ANKRD26: variants seen among roughly 807,000 people sequenced by gnomAD.
The protein encoded by ANKRD26 is ankyrin repeat domain 26.
Under a neutral mutation model 208.7 loss-of-function variants are expected in ANKRD26, and 141 were observed. The observed-to-expected ratio is 0.68, with a 90% CI of 0.59 to 0.78. ANKRD26 has a LOEUF of 0.78. Among genes scored for constraint, ANKRD26 ranks in the 30% least tolerant of loss-of-function variants. The pLI is 0.00. For missense variants in ANKRD26, 1,889 were observed against 1,938.7 expected, an observed-to-expected ratio of 0.97 and a Z score of 0.48; for synonymous variants, 636 against 660.4, an observed-to-expected ratio of 0.96 and a Z score of 0.57.
At chr10:26,982,499 G>A (rs1049865329) in intron 4 of ANKRD26, among the ~76,000 whole-genome samples, 2 of 151,726 alleles carry the variant, frequency 1.3e-5, no homozygotes, top group African/African-American at 4.8e-5. Context: ...TTTCTTTTAT[G>A]AGCTGGTCCC....
intron 9 of ANKRD26, among the ~76,000 whole-genome samples, chr10:27,069,473 T>G (rs746886075): frequency 8.6e-5 from 13 of 151,874 alleles, no homozygotes; most frequent in Non-Finnish European, 1.8e-4. Context: ...GAACTTAGGT[T>G]TTTGGTGGTT....
chr10:26,989,720 G>C (rs150866443), downstream of ANKRD26, among the ~76,000 whole-genome samples: 1 of 152,218 alleles, frequency 6.6e-6, no homozygotes, highest in African/African-American at 2.4e-5. Context: ...AGGCTGCCAC[G>C]GGGGCTGTCA....
chr10:26,963,675 C>G, the ANKRD26 span, among the ~76,000 whole-genome samples: 1 of 152,116 alleles, frequency 6.6e-6, no homozygotes, highest in Admixed American at 6.6e-5. Flanking sequence ...CCTGATATAA[C>G]AGGGTATAGC....
the ANKRD26 span, among the ~76,000 whole-genome samples, chr10:26,953,943 A>T: frequency 1.3e-5 from 2 of 152,206 alleles, no homozygotes; most frequent in East Asian, 3.8e-4. Context: ...CTGCCCTACC[A>T]ATGTGAGAGC....
the ANKRD26 span, among the ~76,000 whole-genome samples, chr10:26,955,404 T>G: frequency 2.0e-5 from 3 of 151,572 alleles, no homozygotes; most frequent in Non-Finnish European, 2.9e-5. Context: ...CTCTAGCCTG[T>G]GCAACAAGAG....
intron 16 of ANKRD26, among the ~76,000 whole-genome samples, 180 bp from the exon 17 acceptor site, chr10:27,049,159 T>G (rs1346429861): frequency 1.3e-5 from 2 of 152,176 alleles, no homozygotes; most frequent in East Asian, 3.8e-4. Flanking sequence ...TATCAGCTAT[T>G]ATTATAATTT....
chr10:27,024,257 A>G (rs1290550557), intron 28 of ANKRD26, among the ~76,000 whole-genome samples, 190 bp downstream of exon 28: 6 of 152,234 alleles, frequency 3.9e-5, no homozygotes, highest in African/African-American at 1.2e-4. Context: ...TCATTAAAGA[A>G]TAAGTGTAAT....
chr10:27,093,931 C>T (rs2056383667), intron 1 of ANKRD26, 132 bp from the exon 2 acceptor site: 1 of 767,446 alleles, frequency 1.3e-6, no homozygotes, highest in Non-Finnish European at 2.2e-6. Context: ...CTCATCTTGG[C>T]TGTGTCCCCA....
chr10:27,074,003 GA>G (rs1258504560), intron 9 of ANKRD26, among the ~76,000 whole-genome samples: 1 of 151,388 alleles, frequency 6.6e-6, no homozygotes, highest in East Asian at 1.9e-4. Context: ...CTCAAGGGGG[GA>G]AAAATAAATA....
intron 32 of ANKRD26, among the ~76,000 whole-genome samples, chr10:27,008,291 G>A (rs920200099): frequency 6.6e-6 from 1 of 151,810 alleles, no homozygotes. Context: ...CCAATATTTT[G>A]TAAGACTGTT....
At chr10:27,011,350 C>T (rs1430515351) in intron 32 of ANKRD26, among the ~76,000 whole-genome samples, 1 of 152,144 alleles carries the variant, frequency 6.6e-6, no homozygotes, top group African/African-American at 2.4e-5. Flanking sequence ...ACATTACAAC[C>T]TTAAACTCTT....
At chr10:26,973,998 T>C (rs1285800161) in exon 6 of ANKRD26, among the ~76,000 whole-genome samples, 2 of 152,022 alleles carry the variant, frequency 1.3e-5, no homozygotes, top group African/African-American at 4.8e-5. Context: ...GCTTCTAGGA[T>C]TCATTGATGC....
chr10:27,072,359 T>C (rs1271334448), intron 9 of ANKRD26, among the ~76,000 whole-genome samples: 1 of 152,186 alleles, frequency 6.6e-6, no homozygotes, highest in Non-Finnish European at 1.5e-5. Flanking sequence ...GCTGAGCTTC[T>C]CCCTGGAACA....
intron 15 of ANKRD26, among the ~76,000 whole-genome samples, chr10:27,059,877 A>G (rs2054986257): frequency 6.6e-6 from 1 of 151,238 alleles, no homozygotes; most frequent in African/African-American, 2.4e-5. Flanking sequence ...CCTGGGCAAC[A>G]GAGTGAGACT....
chr10:27,097,319 CAA>C (rs11347521), intron 1 of ANKRD26, among the ~76,000 whole-genome samples: 149 of 141,814 alleles, frequency 1.1e-3, no homozygotes, highest in East Asian at 1.3e-3. Context: ...ACTAGAAATA[CAA>C]AAAAAAAAAA....
chr10:27,084,324 A>G (rs1360247934), intron 5 of ANKRD26, among the ~76,000 whole-genome samples: 2 of 152,034 alleles, frequency 1.3e-5, no homozygotes, highest in Non-Finnish European at 2.9e-5. Context: ...CTAAGTAAAC[A>G]ATTATAGAAA....
At position 27,015,160 on chromosome 10, in the gene ANKRD26, TA is replaced by T. The variant is rs199774748; in HGVS notation, c.4507-450del. On this transcript the variant is annotated intron_variant, in intron 30 of 33. Transcript: ENST00000376087. ...AATATATTCATGGGGAAGACTTGAA[TA>T]TGCTTAAAAATTTTGATGTGATATT... Among the ~76,000 whole-genome samples, 1,184 of 152,356 alleles carry T rather than the reference TA, an allele frequency of 7.8e-3. 10 individuals are homozygous for T. The highest frequency in any genetic ancestry group is 0.037 in the Middle Eastern group (11 of 294).
At chr10:27,048,696 T>C in intron 17 of ANKRD26, 105 bp downstream of exon 17, 2 of 1,239,794 alleles carry the variant, frequency 1.6e-6, no homozygotes, top group Non-Finnish European at 2.3e-6. Context: ...TGCATATCCC[T>C]TGCATAGTAA....
chr10:27,023,355 G>A (rs1364419588), intron 28 of ANKRD26, among the ~76,000 whole-genome samples: 1 of 147,294 alleles, frequency 6.8e-6, no homozygotes, highest in African/African-American at 2.5e-5. Context: ...AAAAAGAAAA[G>A]AAAAGCATAC....
Sources: allele counts gnomAD v4.1 joint callset (sites outside exome capture counted in the v4.1 genomes callset), GRCh38; gene constraint gnomAD v4.1.1; transcripts MANE v1.5; gene names NCBI Gene and HGNC (gene_info 2026-07-23, HGNC 2026-07-21).